SNX13: variants seen among roughly 807,000 people sequenced by gnomAD.
The protein encoded by SNX13 is sorting nexin-13.
SNX13 carries 45 observed loss-of-function variants against 133.6 expected under a neutral mutation model. That is an observed-to-expected ratio of 0.34 (90% CI 0.27 to 0.43). The LOEUF is 0.43. Among genes scored for constraint, SNX13 ranks in the 20% least tolerant of loss-of-function variants. SNX13 has a pLI of 1.00. For synonymous variants in SNX13, 414 were observed against 373.9 expected (o/e 1.11, Z -1.24); for missense variants, 1,032 against 1,145.1 (o/e 0.90, Z 1.43).
At chr7:17,798,801 A>G (rs745440436) in intron 23 of SNX13, 43 bp from the exon 24 acceptor site, 33 of 1,423,416 alleles carry the variant, frequency 2.3e-5, no homozygotes, top group Non-Finnish European at 3.1e-5. Flanking sequence ...AAAATTTTAG[A>G]AGGTGAAAAA....
chr7:17,806,550 C>T (rs778687759), intron 20 of SNX13, among the ~76,000 whole-genome samples: 10 of 151,970 alleles, frequency 6.6e-5, no homozygotes, highest in Non-Finnish European at 1.5e-4. Flanking sequence ...TCAACATGAC[C>T]TTGGTTATCA....
chr7:17,933,367 C>T (rs1383354445), intron 1 of SNX13, among the ~76,000 whole-genome samples: 1 of 152,042 alleles, frequency 6.6e-6, no homozygotes, highest in African/African-American at 2.4e-5. Flanking sequence ...CCTGGTGAAA[C>T]CCCGTCTCTA....
intron 12 of SNX13, among the ~76,000 whole-genome samples, chr7:17,844,135 G>A (rs187723057): frequency 6.6e-6 from 1 of 152,054 alleles, no homozygotes; most frequent in East Asian, 1.9e-4. Flanking sequence ...GAAAGCAATA[G>A]TTGATTCTTT....
At chr7:17,798,986 A>C (rs1469375873) in intron 23 of SNX13, 23 bp downstream of exon 23, 17 of 1,599,862 alleles carry the variant, frequency 1.1e-5, no homozygotes, top group Non-Finnish European at 1.4e-5. Context: ...ATCAGATTAA[A>C]AGCGAGGAGG....
At chr7:17,805,265 G>GCGCGCGCGCGCACA (rs771908159) in intron 20 of SNX13, among the ~76,000 whole-genome samples, 5 of 146,004 alleles carry the variant, frequency 3.4e-5, no homozygotes, top group Non-Finnish European at 6.1e-5. Context: ...GCGCGCGCGC[G>GCGCGCGCGCGCACA]CATGCATGCA....
chr7:17,796,995 G>T, intron 24 of SNX13, 56 bp from the exon 25 acceptor site: 1 of 1,274,768 alleles, frequency 7.8e-7, no homozygotes, highest in Non-Finnish European at 1.1e-6. Context: ...AATGATACAA[G>T]TTGATAAAAT....
chr7:17,805,254 T>TGCGCGCGCGC (rs56000068), intron 20 of SNX13, among the ~76,000 whole-genome samples: 3,578 of 132,410 alleles, frequency 0.027, 170 homozygotes, highest in Admixed American at 0.046. Context: ...TGTGTGTGCG[T>TGCGCGCGCGC]GCGCGCGCGC....
intron 20 of SNX13, among the ~76,000 whole-genome samples, chr7:17,804,591 A>G (rs1784977963): frequency 1.3e-5 from 2 of 152,090 alleles, no homozygotes; most frequent in Admixed American, 1.3e-4. Flanking sequence ...GTATAAAATT[A>G]AAATAATTTA....
chr7:17,807,598 A>G (rs1293072286), intron 20 of SNX13, among the ~76,000 whole-genome samples: 1 of 152,236 alleles, frequency 6.6e-6, no homozygotes, highest in Non-Finnish European at 1.5e-5. Context: ...ATCTCCCAGC[A>G]CAGCGATCGA....
Position 17,938,330 on chromosome 7 carries a change from G to C in SNX13, c.12+1954C>G, listed in dbSNP as rs921442848. On this transcript the variant is annotated intron_variant, in intron 1 of 25. Transcript: ENST00000428135. ...AGCAAAACGGTCAGAGCTCTCTACT[G>C]AGAGTTAGGAGATGAGATTCCAGTT... 8.5e-5 allele frequency among the ~76,000 whole-genome samples: 13 copies of C among 152,164 alleles called. 1 individual carries two copies. The highest frequency in any genetic ancestry group is 3.1e-4 in the African/African-American group (13 of 41,426).
intron 1 of SNX13, among the ~76,000 whole-genome samples, chr7:17,933,497 C>T (rs561979004): frequency 6.2e-4 from 93 of 151,212 alleles, no homozygotes; most frequent in Non-Finnish European, 1.2e-3. Context: ...GAGCTGAGAT[C>T]GCGCCACTGC....
At chr7:17,834,970 G>GT in intron 13 of SNX13, 105 bp from the exon 14 acceptor site, 1 of 671,490 alleles carries the variant, frequency 1.5e-6, no homozygotes, top group South Asian at 2.5e-5. Context: ...TAACTGGCAG[G>GT]TAAGAATCAT....
At chr7:17,888,228 C>G (rs962994601) in intron 5 of SNX13, 2 of 152,338 alleles carry the variant, frequency 1.3e-5, no homozygotes, top group African/African-American at 4.8e-5. Flanking sequence ...TAGTTATTAT[C>G]TGTATTGTTT....
In SNX13 at chr7:17,873,239, A is replaced by C. The variant is rs80294977; in HGVS notation, c.753+289T>G. 3.1e-3 allele frequency among the ~76,000 whole-genome samples: 466 copies of C among 152,314 alleles called. 5 individuals are homozygous for C. Among genetic ancestry groups the C allele is most frequent in the African/African-American group, 0.011 (454 of 41,570 alleles). ...CATAATAATGCTAAGACATTATTTA[A>C]CTTTTCACTCTTGTTCTTTCATGTA... On this transcript the variant is annotated intron_variant, in intron 8 of 25. Coordinates refer to ENST00000428135, the MANE Select transcript of SNX13 (RefSeq NM_015132.5).
chr7:17,923,303 G>C (rs371807122), intron 1 of SNX13, among the ~76,000 whole-genome samples: 1 of 152,072 alleles, frequency 6.6e-6, no homozygotes, highest in Non-Finnish European at 1.5e-5. Context: ...CTTGTATATA[G>C]AAAGTTTTAA....
chr7:17,891,714 A>C, intron 3 of SNX13, 79 bp from the exon 4 acceptor site: 1 of 890,292 alleles, frequency 1.1e-6, no homozygotes, highest in Non-Finnish European at 1.8e-6. Context: ...TGAATACTCA[A>C]TGTAACATCC....
chr7:17,929,583 G>A (rs10274669), intron 1 of SNX13, among the ~76,000 whole-genome samples: 5,476 of 152,064 alleles, frequency 0.036, 318 homozygotes, highest in African/African-American at 0.12. Flanking sequence ...TTCAACAGAA[G>A]AGCTTATATA....
Position 17,940,411 on chromosome 7 carries a change from T to C in SNX13, c.-116A>G. 1.6e-6 allele frequency: 2 copies of C among 1,248,632 alleles called. No individual in the cohort carries two copies. Among genetic ancestry groups the C allele is most frequent in the Non-Finnish European group, 2.3e-6 (2 of 877,008 alleles). 77.3% of individuals were successfully genotyped at this position (1,248,632 alleles called of 1,614,324 possible). A position where few individuals can be genotyped will look rare whatever the true frequency, so the allele number is the denominator to read the frequency against. On this transcript the variant is annotated 5_prime_UTR_variant, in exon 1 of 26. Transcript: ENST00000428135. ...GGCGGCAACTGCTCCTTCAGTCTTC[T>C]CCCGGGCGGCGGTTTTACTCGGCTT...
At chr7:17,807,728 T>A (rs1785477575) in intron 20 of SNX13, among the ~76,000 whole-genome samples, 2 of 152,104 alleles carry the variant, frequency 1.3e-5, no homozygotes, top group Non-Finnish European at 2.9e-5. Context: ...CCAGCTGGCA[T>A]CTGGAGAGTG....
Sources: gnomAD v4.1 joint callset for allele counts (sites outside exome capture counted in the v4.1 genomes callset) on GRCh38, gnomAD v4.1.1 for gene constraint, MANE v1.5 for transcripts, NCBI Gene and HGNC (gene_info 2026-07-23, HGNC 2026-07-21) for gene names.